The following BLMH variants were observed in gnomAD, a reference collection of about 807,000 sequenced individuals.
The protein encoded by BLMH is bleomycin hydrolase, also known as BLM hydrolase.
Under a neutral mutation model 61.6 loss-of-function variants are expected in BLMH, and 32 were observed. The ratio of observed to expected loss-of-function variants is 0.52; its 90% CI spans 0.39 to 0.70. The LOEUF (loss-of-function observed/expected upper bound fraction) is 0.70. BLMH is among the 30% of genes least tolerant of loss of function. The pLI, the probability that BLMH is intolerant of heterozygous loss-of-function variation, is 0.00. For missense variants in BLMH, 460 were observed against 555.5 expected, an observed-to-expected ratio of 0.83 and a Z score of 1.73; for synonymous variants, 183 against 193.8, an observed-to-expected ratio of 0.94 and a Z score of 0.46.
intron 6 of BLMH, among the ~76,000 whole-genome samples, chr17:30,279,988 C>T (rs961036874): frequency 6.6e-6 from 1 of 151,988 alleles, no homozygotes; most frequent in Non-Finnish European, 1.5e-5. Flanking sequence ...TTAATTCCCA[C>T]GCCCATGACA....
intron 7 of BLMH, chr17:30,273,841 G>T (rs1051295596): frequency 9.5e-6 from 6 of 634,636 alleles, no homozygotes; most frequent in Non-Finnish European, 5.3e-6. Flanking sequence ...CTCTGAAGAG[G>T]AACATTGTGG....
At chr17:30,273,905 A>G in intron 7 of BLMH, 137 bp downstream of exon 7, 1 of 1,077,344 alleles carries the variant, frequency 9.3e-7, no homozygotes, top group East Asian at 2.4e-5. Context: ...AAAATACTTC[A>G]GAGGAAGTGG....
At position 30,291,454 on chromosome 17, in the gene BLMH, T is replaced by C. The variant is rs1567841091; in HGVS notation, c.68A>G (p.Gln23Arg). ...CCCGACATTCTGGGCAAGTACGAAC[T>C]GGGGGTCGGAATTCAGTTTCTGTAT... ...ALIQKLNSDP[Q>R]FVLAQNVGTT... The change falls in exon 2 of 12, where the codon CAG becomes CGG. Residue 23 changes from glutamine to arginine, a missense_variant. Physicochemically the swap from Gln to Arg is conservative, Grantham distance 43. This residue lies in a region of BLMH where 86 missense variants were observed against 84.5 expected (regional missense o/e 1.02). Coordinates refer to ENST00000261714, the MANE Select transcript of BLMH (RefSeq NM_000386.4). 1.2e-6 allele frequency: 2 copies of C among 1,614,156 alleles called. No individual in the cohort carries two copies. Among genetic ancestry groups the C allele is most frequent in the South Asian group, 2.2e-5 (2 of 91,086 alleles).
At chr17:30,279,584 G>A (rs939923253) in intron 6 of BLMH, among the ~76,000 whole-genome samples, 2 of 152,160 alleles carry the variant, frequency 1.3e-5, no homozygotes, top group Non-Finnish European at 2.9e-5. Flanking sequence ...GAATTATAAA[G>A]AAGGGTCCTA....
chr17:30,270,345 C>CA lies in BLMH; in HGVS notation c.1146+925dup, dbSNP rs1597661824. ...CAAAACCCCACTTCTACTAAAAATA[C>CA]AAAAAAATCAGCTGGGTGTGTTGGC... On this transcript the variant is annotated intron_variant, in intron 10 of 11. Transcript: ENST00000261714. 2.0e-5 allele frequency among the ~76,000 whole-genome samples: 3 copies of CA among 151,854 alleles called. No homozygotes were observed. The South Asian group carries it at 6.2e-4, about 32-fold the overall frequency.
chr17:30,279,399 T>C (rs1262894370), intron 6 of BLMH, among the ~76,000 whole-genome samples: 2 of 152,216 alleles, frequency 1.3e-5, no homozygotes, highest in Admixed American at 1.3e-4. Context: ...TGGGGCCATT[T>C]GTCTTCTGAT....
chr17:30,281,419 A>G (rs143910499), intron 6 of BLMH, among the ~76,000 whole-genome samples: 1 of 151,692 alleles, frequency 6.6e-6, no homozygotes, highest in East Asian at 1.9e-4. Flanking sequence ...TGATGGCACT[A>G]CTTTAGACCA....
chr17:30,280,479 CTTT>C (rs768993076), intron 6 of BLMH, among the ~76,000 whole-genome samples: 28 of 152,136 alleles, frequency 1.8e-4, no homozygotes, highest in Non-Finnish European at 1.8e-4. Context: ...ACCCCAACTT[CTTT>C]TTATTTTTTT....
chr17:30,252,533 CAAA>C (rs34594289), intron 11 of BLMH, among the ~76,000 whole-genome samples: 1 of 66,386 alleles, frequency 1.5e-5, no homozygotes, highest in African/African-American at 5.1e-5. Context: ...CCCATCCTCA[CAAA>C]AAAAAAAAAA....
At chr17:30,260,338 CTA>C (rs945225199) in intron 11 of BLMH, among the ~76,000 whole-genome samples, 1 of 152,180 alleles carries the variant, frequency 6.6e-6, no homozygotes. Flanking sequence ...AAAAACACAT[CTA>C]TACACAAAAC....
Position 30,263,124 on chromosome 17 carries a change from G to A in BLMH, c.1216+3761C>T, listed in dbSNP as rs968226703. On this transcript the variant is annotated intron_variant, in intron 11 of 11. Transcript: ENST00000261714. ...CTGACCTGTTATTTCTTGAGTGGAC[G>A]ACATGCTACTAGAACAGGGAAGGTG... 5.3e-4 allele frequency among the ~76,000 whole-genome samples: 80 copies of A among 152,136 alleles called. 1 individual carries two copies. Among genetic ancestry groups the A allele is most frequent in the Admixed American group, 1.4e-3 (22 of 15,274 alleles).
At chr17:30,260,191 C>T (rs1473400457) in intron 11 of BLMH, among the ~76,000 whole-genome samples, 1 of 152,138 alleles carries the variant, frequency 6.6e-6, no homozygotes, top group African/African-American at 2.4e-5. Context: ...CACTGTTACA[C>T]AGCCAATAGA....
chr17:30,255,694 C>T (rs1429616629), intron 11 of BLMH, among the ~76,000 whole-genome samples: 1 of 152,106 alleles, frequency 6.6e-6, no homozygotes, highest in African/African-American at 2.4e-5. Context: ...GTCAGGAGTT[C>T]GAGACCAGCC....
chr17:30,262,801 G>A (rs6505168), intron 11 of BLMH, among the ~76,000 whole-genome samples: 118,600 of 152,198 alleles, frequency 0.78, 47,318 homozygotes, highest in East Asian at 1. Context: ...TCTCAAAAAA[G>A]CAAAAACAAA....
intron 11 of BLMH, among the ~76,000 whole-genome samples, chr17:30,254,710 T>G (rs1258820652): frequency 6.6e-6 from 1 of 152,128 alleles, no homozygotes; most frequent in Non-Finnish European, 1.5e-5. Context: ...TTACCCAAAC[T>G]CATCATAAAA....
intron 10 of BLMH, 135 bp from the exon 11 acceptor site, chr17:30,267,089 G>T (rs941847779): frequency 2.8e-5 from 19 of 674,964 alleles, no homozygotes; most frequent in Non-Finnish European, 5.0e-5. Context: ...TATACAGGCA[G>T]CCTGCTCTAA....
At chr17:30,272,371 G>C (rs1181326409) in intron 9 of BLMH, 190 bp downstream of exon 9, 1 of 670,610 alleles carries the variant, frequency 1.5e-6, no homozygotes, top group Non-Finnish European at 2.6e-6. Context: ...TGATGTCCTG[G>C]GTTAGAGTGT....
rs1039519281 is a variant in BLMH at position 30,248,958 on chromosome 17, A to G, written c.*59T>C. The G allele has an allele frequency of 6.3e-7, 1 of 1,597,526 alleles. No homozygotes were observed. The highest frequency in any genetic ancestry group is 1.3e-5 in the African/African-American group (1 of 74,586). On this transcript the variant is annotated 3_prime_UTR_variant, in exon 12 of 12. Transcript: ENST00000261714. ...GCATAACTTTGGCTTCAGTCCCTGGATCTGTCCTTTGCAGCTACGTCAGGT... is the reference window on the plus strand; with the variant it reads ...GCATAACTTTGGCTTCAGTCCCTGGGTCTGTCCTTTGCAGCTACGTCAGGT...
rs2143064944 is a variant in BLMH at position 30,291,514 on chromosome 17, G to A, written c.14-6C>T. The A allele has an allele frequency of 6.2e-6, 10 of 1,613,244 alleles. No homozygotes were observed. The highest frequency in any genetic ancestry group is 8.5e-6 in the Non-Finnish European group (10 of 1,179,278). ...TACCTTCTCCGAATTCAGTCCTGTT[G>A]GGAGACCAAACAGGATTTTAACGCA... On this transcript the variant is annotated splice_polypyrimidine_tract_variant and splice_region_variant and intron_variant, in intron 1 of 11. Coordinates refer to ENST00000261714, the MANE Select transcript of BLMH (RefSeq NM_000386.4).
Sources: gnomAD v4.1 joint callset for allele counts (sites outside exome capture counted in the v4.1 genomes callset) on GRCh38, gnomAD v4.1.1 for gene constraint, gnomAD v4.1.1 regional missense constraint, MANE v1.5 for transcripts, NCBI Gene and HGNC (gene_info 2026-07-23, HGNC 2026-07-21) for gene names.